The following PIGX variants were observed in gnomAD, a reference collection of about 807,000 sequenced individuals.
PIGX encodes the protein GPI alpha-1,4-mannosyltransferase I, stabilizing subunit.
Under a neutral mutation model 28.7 loss-of-function variants are expected in PIGX, and 24 were observed. That is an observed-to-expected ratio of 0.84 (90% CI 0.60 to 1.17). The LOEUF (loss-of-function observed/expected upper bound fraction) is 1.17, where lower values mean the gene tolerates loss of function less well. PIGX is among the 50% of genes most tolerant of loss of function. The pLI is 0.00. For missense variants in PIGX, 305 were observed against 317.8 expected (o/e 0.96, Z 0.31); for synonymous variants, 127 against 121.0 (o/e 1.05, Z -0.33).
chr3:196,727,843 T>C, intron 3 of PIGX, 80 bp from the exon 4 acceptor site: 2 of 960,374 alleles, frequency 2.1e-6, no homozygotes, highest in Non-Finnish European at 3.2e-6. Context: ...TGTATCTGTA[T>C]ATAGTCTTCT....
intron 4 of PIGX, among the ~76,000 whole-genome samples, chr3:196,729,537 C>T (rs571290802): frequency 1.2e-3 from 176 of 150,912 alleles, no homozygotes; most frequent in African/African-American, 3.5e-3. Context: ...CTACAGGCTG[C>T]GCCACCATGC....
rs1171087599 is a variant in PIGX, at chr3:196,734,892, T to G, written c.*990T>G. On this transcript the variant is annotated 3_prime_UTR_variant, in exon 6 of 6. Transcript: ENST00000392391. ...TTGCCATTTTAAATAAAGTTGTACA[T>G]GAACAATAATTGGAATCATCAGGTA... 3 of 152,116 alleles carry G rather than the reference T, an allele frequency of 2.0e-5. No homozygotes were observed. Among genetic ancestry groups the G allele is most frequent in the Non-Finnish European group, 2.9e-5 (2 of 68,014 alleles). 9.4% of individuals were successfully genotyped at this position (152,116 alleles called of 1,614,324 possible). A position where few individuals can be genotyped will look rare whatever the true frequency, so the allele number is the denominator to read the frequency against.
In PIGX at chr3:196,733,454, A is replaced by G. The variant is rs1243228232; in HGVS notation, c.634-305A>G. Among the ~76,000 whole-genome samples the G allele has an allele frequency of 1.3e-5, 2 of 152,058 alleles. No homozygotes were observed. Among genetic ancestry groups the G allele is most frequent in the African/African-American group, 4.8e-5 (2 of 41,402 alleles). On this transcript the variant is annotated intron_variant, in intron 5 of 5. Coordinates refer to ENST00000392391, the MANE Select transcript of PIGX (RefSeq NM_017861.4). This position sits in a 1 kb window ranked among gnomAD's most constrained non-coding sequence, Gnocchi z 4.3. ...GAGACAGAGTCTTCCTCTGTCTCCC[A>G]GGCTGGAGTACAGTGGCACGATCTC... is the stretch of plus-strand genomic sequence containing the variant.
At chr3:196,720,795 T>G (rs1712292927) in intron 2 of PIGX, among the ~76,000 whole-genome samples, 1 of 152,072 alleles carries the variant, frequency 6.6e-6, no homozygotes, top group Non-Finnish European at 1.5e-5. Flanking sequence ...ATCATTTACT[T>G]TCTGTCATTT....
chr3:196,734,975 AAAGT>A lies in PIGX; in HGVS notation c.*1078_*1081del, dbSNP rs1260043993. On this transcript the variant is annotated 3_prime_UTR_variant, in exon 6 of 6. Coordinates refer to ENST00000392391, the MANE Select transcript of PIGX (RefSeq NM_017861.4). ...TATGATTGGAAAAAAATTAGAAAATAAAGTAAGTGCCATAGGCTAATTAAAAAAT... is the reference window on the plus strand; with the variant it reads ...TATGATTGGAAAAAAATTAGAAAATAAAGTGCCATAGGCTAATTAAAAAAT... 5 of 152,208 alleles carry A rather than the reference AAAGT, an allele frequency of 3.3e-5. No homozygotes were observed. In the East Asian group the frequency reaches 5.8e-4, roughly 18 times the overall value. The allele number at this position is 152,208 out of a possible 1,614,324, so 9.4% of individuals were successfully genotyped here. A position where few individuals can be genotyped will look rare whatever the true frequency, so the allele number is the denominator to read the frequency against.
chr3:196,727,711 C>T (rs891293696), intron 3 of PIGX, among the ~76,000 whole-genome samples: 6 of 151,946 alleles, frequency 3.9e-5, no homozygotes, highest in Admixed American at 1.3e-4. Context: ...ATAATTTCCC[C>T]AGTTTTTTTT....
At chr3:196,723,615 T>C (rs959616281) in intron 3 of PIGX, among the ~76,000 whole-genome samples, 1 of 128,608 alleles carries the variant, frequency 7.8e-6, no homozygotes, top group African/African-American at 3.1e-5. Context: ...CCAGATGATT[T>C]CTTTTTTTTT....
intron 3 of PIGX, among the ~76,000 whole-genome samples, chr3:196,723,371 C>T (rs189149925): frequency 4.6e-5 from 7 of 152,150 alleles, no homozygotes; most frequent in Admixed American, 3.3e-4. Context: ...CGCAAAGAGG[C>T]CAAGTAACTT....
At chr3:196,732,257 T>TA (rs1326451678) in intron 5 of PIGX, among the ~76,000 whole-genome samples, 1,559 of 35,358 alleles carry the variant, frequency 0.044, 12 homozygotes, top group Non-Finnish European at 0.056. Flanking sequence ...TATATATATA[T>TA]TTTATTTTAT....
intron 5 of PIGX, among the ~76,000 whole-genome samples, chr3:196,731,820 C>A (rs1712767304): frequency 6.6e-6 from 1 of 151,232 alleles, no homozygotes; most frequent in Non-Finnish European, 1.5e-5. Flanking sequence ...ATTCAGTTGT[C>A]CTTATTTATT....
chr3:196,719,649 CTGT>C (rs1358847797), intron 2 of PIGX, among the ~76,000 whole-genome samples: 2 of 152,120 alleles, frequency 1.3e-5, no homozygotes, highest in Non-Finnish European at 2.9e-5. Flanking sequence ...CTTTTCTATG[CTGT>C]TGTTATCACA....
At chr3:196,731,164 ACATTTAAGAGATTAG>A in intron 5 of PIGX, 72 bp downstream of exon 5, 1 of 836,956 alleles carries the variant, frequency 1.2e-6, no homozygotes. Context: ...TGTTCCTGCC[ACATTTAAGAGATTAG>A]CATTTTTTTT....
chr3:196,728,591 C>T (rs1712618929), intron 4 of PIGX: 1 of 732,502 alleles, frequency 1.4e-6, no homozygotes, highest in Admixed American at 1.9e-5. Flanking sequence ...CTTTCTTCAA[C>T]ACTGATCTGT....
chr3:196,719,931 C>T (rs1318364138), intron 2 of PIGX, among the ~76,000 whole-genome samples: 1 of 152,144 alleles, frequency 6.6e-6, no homozygotes, highest in Non-Finnish European at 1.5e-5. Context: ...AGGCGCCTGC[C>T]ACCACACCCA....
chr3:196,719,563 C>G (rs1185826885), intron 2 of PIGX, among the ~76,000 whole-genome samples: 1 of 152,122 alleles, frequency 6.6e-6, no homozygotes, highest in East Asian at 1.9e-4. Flanking sequence ...CAATCGTTAC[C>G]TATCACAGTC....
Position 196,717,162 on chromosome 3 carries a change from G to A in PIGX, c.176+241G>A, listed in dbSNP as rs140086922. ...AAAAATACAAAAATTAGTTGGGCAT[G>A]ATGGTACACACACCTATAGTCCCAG... On this transcript the variant is annotated intron_variant, in intron 2 of 5. Coordinates refer to ENST00000392391, the MANE Select transcript of PIGX (RefSeq NM_017861.4). Among the ~76,000 whole-genome samples the A allele has an allele frequency of 3.5e-3, 527 of 152,166 alleles. 1 individual carries two copies. The highest frequency in any genetic ancestry group is 5.4e-3 in the Admixed American group (83 of 15,256).
chr3:196,725,705 CGGT>C (rs1712492307), intron 3 of PIGX, among the ~76,000 whole-genome samples: 1 of 151,970 alleles, frequency 6.6e-6, no homozygotes, highest in Non-Finnish European at 1.5e-5. Flanking sequence ...ACAAAATGAG[CGGT>C]AACAGTGTCT....
In PIGX at chr3:196,731,068, A is replaced by T; in HGVS notation, c.609A>T (p.Gln203His). 6.3e-7 allele frequency: 1 copy of T among 1,594,858 alleles called. No individual in the cohort carries two copies. ...CTTTGGAGAATGAGGATATCTGCCAATGGAACAAGATGAAGTATAAATCAG... is the reference window on the plus strand; with the variant it reads ...CTTTGGAGAATGAGGATATCTGCCATTGGAACAAGATGAAGTATAAATCAG... Residue 203 changes from glutamine to histidine, a missense_variant, in exon 5 of 6, where the codon CAA becomes CAT. By Grantham distance (24) the Gln-to-His change is conservative. Transcript: ENST00000392391.
chr3:196,722,604 CTG>C, intron 3 of PIGX, 48 bp downstream of exon 3: 1 of 1,525,682 alleles, frequency 6.6e-7, no homozygotes, highest in South Asian at 1.2e-5. Flanking sequence ...TTTAGGGGTG[CTG>C]TAGTTTGGAT....
Sources: gnomAD v4.1 joint callset for allele counts (sites outside exome capture counted in the v4.1 genomes callset) on GRCh38, gnomAD v4.1.1 for gene constraint, Gnocchi (gnomAD v3.1) non-coding constraint, MANE v1.5 for transcripts, NCBI Gene and HGNC (gene_info 2026-07-23, HGNC 2026-07-21) for gene names.